TAB2: variants seen among roughly 807,000 people sequenced by gnomAD.
TAB2 encodes the protein TGF-beta-activated kinase 1 and MAP3K7-binding protein 2.
A neutral mutation model predicts 65.0 loss-of-function variants in TAB2; 3 were observed. The observed-to-expected ratio is 0.05, with a 90% confidence interval of 0.02 to 0.12. The LOEUF is 0.12. TAB2 is among the 10% of genes least tolerant of loss of function. The pLI is 1.00. For synonymous variants in TAB2, 298 were observed against 285.1 expected (o/e 1.05, Z -0.46); for missense variants, 623 against 840.3 (o/e 0.74, Z 3.20).
intron 1 of TAB2, among the ~76,000 whole-genome samples, chr6:149,228,437 G>C (rs609632): frequency 6.6e-6 from 1 of 152,196 alleles, no homozygotes; most frequent in East Asian, 1.9e-4. Flanking sequence ...AAGAATGGAA[G>C]AGTGCATTAT....
intron 1 of TAB2, among the ~76,000 whole-genome samples, chr6:149,293,634 C>A (rs1328285532): frequency 6.6e-6 from 1 of 152,186 alleles, no homozygotes; most frequent in Non-Finnish European, 1.5e-5. Context: ...GACAGGGTCC[C>A]AGTGCCTTTT....
chr6:149,303,164 A>T (rs945340114), intron 1 of TAB2, among the ~76,000 whole-genome samples: 5 of 152,260 alleles, frequency 3.3e-5, no homozygotes, highest in Non-Finnish European at 5.9e-5. Flanking sequence ...GCTCCCATTG[A>T]TTCTACATTA....
chr6:149,227,727 A>G (rs1048250281), intron 1 of TAB2, among the ~76,000 whole-genome samples: 1 of 152,232 alleles, frequency 6.6e-6, no homozygotes, highest in Non-Finnish European at 1.5e-5. Context: ...AGAGCTGCTA[A>G]CATGCTGAAG....
intron 1 of TAB2, among the ~76,000 whole-genome samples, chr6:149,362,860 A>G (rs1235654361): frequency 2.0e-5 from 3 of 152,128 alleles, no homozygotes; most frequent in Non-Finnish European, 4.4e-5. Context: ...ATCTAAATCT[A>G]TAACTTAAGT....
At chr6:149,286,762 G>T (rs943049747) in intron 1 of TAB2, among the ~76,000 whole-genome samples, 6 of 152,106 alleles carry the variant, frequency 3.9e-5, no homozygotes, top group African/African-American at 1.4e-4. Flanking sequence ...TAAAAATGAA[G>T]AATTATTAGC....
At chr6:149,295,529 A>T (rs1410932848) in intron 1 of TAB2, among the ~76,000 whole-genome samples, 1 of 152,162 alleles carries the variant, frequency 6.6e-6, no homozygotes, top group Non-Finnish European at 1.5e-5. Flanking sequence ...ATCTTCACAC[A>T]GTATCCTTTA....
upstream of TAB2, among the ~76,000 whole-genome samples, chr6:149,317,264 G>C (rs1779278347): frequency 6.6e-6 from 1 of 152,058 alleles, no homozygotes; most frequent in Non-Finnish European, 1.5e-5. The surrounding 1 kb of genome is among the most constrained non-coding windows in gnomAD (Gnocchi z 4.7). Flanking sequence ...GGGGGTCCCA[G>C]CCCTCCCCGG....
In TAB2 at chr6:149,374,805, AATTG is replaced by A. The variant is rs147577326; in HGVS notation, c.103-3207_103-3204del. Among the ~76,000 whole-genome samples, 766 of 152,310 alleles carry A rather than the reference AATTG, an allele frequency of 5.0e-3. 6 individuals carry two copies. Among genetic ancestry groups the A allele is most frequent in the African/African-American group, 0.018 (745 of 41,558 alleles). ...CTAGTTTACAATGAAATGCAGGGGA[AATTG>A]ATTGACCACGGGGTGCAGTCCAGAA... On this transcript the variant is annotated intron_variant, in intron 2 of 6. Coordinates refer to ENST00000637181, the MANE Select transcript of TAB2 (RefSeq NM_001292034.3).
At chr6:149,350,041 T>C (rs580011) in intron 1 of TAB2, among the ~76,000 whole-genome samples, 55,393 of 151,632 alleles carry the variant, frequency 0.37, 10,351 homozygotes, top group East Asian at 0.6. Context: ...AAGCGATTCT[T>C]TTGCCTCAGC....
intron 1 of TAB2, among the ~76,000 whole-genome samples, chr6:149,290,011 G>A (rs75513253): frequency 1.6e-3 from 247 of 152,272 alleles, no homozygotes; most frequent in African/African-American, 5.7e-3. Context: ...AAGGGGTTGT[G>A]GAGACCAAGA....
rs535894099 is a variant in TAB2 at position 149,289,276 on chromosome 6, C to T, written c.-121+70500C>T. On this transcript the variant is annotated intron_variant, in intron 1 of 1. Coordinates refer to the TAB2 transcript ENST00000606202. ...AGTGCAGTGGCTCATGCCTGTAATC[C>T]CAGCATTTTGGGAGGCAAGGGCAGG... 8.1e-4 allele frequency among the ~76,000 whole-genome samples: 123 copies of T among 152,002 alleles called. 1 individual carries two copies. Among genetic ancestry groups the T allele is most frequent in the African/African-American group, 2.8e-3 (118 of 41,438 alleles).
At chr6:149,400,988 T>C (rs1782386724) in intron 6 of TAB2, 1 of 308,278 alleles carries the variant, frequency 3.2e-6, no homozygotes, top group East Asian at 6.8e-5. Context: ...TAGTGGCATG[T>C]TCATTCAGGT....
intron 3 of TAB2, among the ~76,000 whole-genome samples, chr6:149,380,914 T>C (rs911744112): frequency 2.6e-5 from 4 of 152,194 alleles, no homozygotes; most frequent in African/African-American, 7.2e-5. Flanking sequence ...CAAGCTGGGT[T>C]GTGGTCCTTT....
At chr6:149,252,692 C>T (rs4897097) in intron 1 of TAB2, among the ~76,000 whole-genome samples, 41,284 of 152,088 alleles carry the variant, frequency 0.27, 6,543 homozygotes, top group Admixed American at 0.38. Flanking sequence ...AGTATTTGCT[C>T]GTCTCACCCT....
At position 149,403,359 on chromosome 6, in the gene TAB2, CACACACACACACACAT is replaced by C. The variant is rs1430978601; in HGVS notation, c.1939+4181_1939+4196del. Among the ~76,000 whole-genome samples, 573 of 143,518 alleles carry C rather than the reference CACACACACACACACAT, an allele frequency of 4.0e-3. 8 individuals are homozygous for C. The highest frequency in any genetic ancestry group is 0.015 in the African/African-American group (551 of 37,966). The allele number at this position is 143,518 out of a possible 152,430, so 94.2% of individuals were successfully genotyped here. A position where few individuals can be genotyped will look rare whatever the true frequency, so the allele number is the denominator to read the frequency against. On this transcript the variant is annotated intron_variant, in intron 6 of 6. Transcript: ENST00000637181. ...ATATATACACACACACACACACACA[CACACACACACACACAT>C]ACACATACACATATAGAAGGAACTT...
At chr6:149,299,648 C>T (rs1167586900) in intron 1 of TAB2, among the ~76,000 whole-genome samples, 1 of 152,108 alleles carries the variant, frequency 6.6e-6, no homozygotes, top group African/African-American at 2.4e-5. Flanking sequence ...TTAGGGCAAA[C>T]CTATTCTATC....
At chr6:149,403,339 TACACACACACACACACACAC>T (rs71010866) in intron 6 of TAB2, among the ~76,000 whole-genome samples, 15 of 105,788 alleles carry the variant, frequency 1.4e-4, no homozygotes, top group African/African-American at 5.4e-4. Flanking sequence ...TACATATATA[TACACACACACACACACACAC>T]ACACACACAC....
chr6:149,314,440 G>C (rs1779216142), upstream of TAB2, among the ~76,000 whole-genome samples: 1 of 152,152 alleles, frequency 6.6e-6, no homozygotes, highest in Non-Finnish European at 1.5e-5. Context: ...ACAGAATGAA[G>C]TGCTCTCACA....
rs1298844691 is a variant in TAB2 at position 149,377,883 on chromosome 6, T to G, written c.103-135T>G. ...AATTCAATCATTTGCATAAAAAAAC[T>G]TCTCAAATTTAAATATCCAAATATA... is the stretch of plus-strand genomic sequence containing the variant. On this transcript the variant is annotated intron_variant, in intron 2 of 6. Transcript: ENST00000637181. The G allele has an allele frequency of 9.7e-6, 7 of 724,506 alleles. No homozygotes were observed. The Admixed American group carries it at 1.9e-4, about 19-fold the overall frequency. 44.9% of individuals were successfully genotyped at this position (724,506 alleles called of 1,614,324 possible).
Sources: gnomAD v4.1 joint callset for allele counts (sites outside exome capture counted in the v4.1 genomes callset) on GRCh38, gnomAD v4.1.1 for gene constraint, Gnocchi (gnomAD v3.1) non-coding constraint, MANE v1.5 for transcripts, NCBI Gene and HGNC (gene_info 2026-07-23, HGNC 2026-07-21) for gene names.